The following LRFN5 variants were observed in gnomAD, a reference collection of about 807,000 sequenced individuals.
LRFN5 encodes leucine-rich repeat and fibronectin type-III domain-containing protein 5.
Under a neutral mutation model 45.6 loss-of-function variants are expected in LRFN5, and 24 were observed. That is an observed-to-expected ratio of 0.53 (90% CI 0.38 to 0.74). LRFN5 has a LOEUF of 0.74. Among genes scored for constraint, LRFN5 ranks in the 30% least tolerant of loss-of-function variants. The pLI, the probability that LRFN5 is intolerant of heterozygous loss-of-function variation, is 0.00. For synonymous variants in LRFN5, 340 were observed against 313.8 expected (o/e 1.08, Z -0.88); for missense variants, 776 against 861.5 (o/e 0.90, Z 1.24).
intron 2 of LRFN5, among the ~76,000 whole-genome samples, chr14:41,822,083 C>A (rs1888134640): frequency 1.3e-5 from 2 of 151,914 alleles, no homozygotes; most frequent in Admixed American, 1.3e-4. Context: ...AGCATCCTAG[C>A]AAATTTGTTT....
chr14:41,787,501 C>A (rs547862618), intron 2 of LRFN5, among the ~76,000 whole-genome samples: 9 of 112,428 alleles, frequency 8.0e-5, no homozygotes, highest in Non-Finnish European at 1.1e-4. Context: ...ATATATAGCA[C>A]TTTTTTTGTC....
intron 1 of LRFN5, among the ~76,000 whole-genome samples, chr14:41,676,997 CAT>C (rs1189938464): frequency 1.3e-5 from 2 of 152,192 alleles, no homozygotes; most frequent in African/African-American, 2.4e-5. Flanking sequence ...GCACAACACA[CAT>C]GCATCCAGAG....
intron 2 of LRFN5, among the ~76,000 whole-genome samples, chr14:41,791,975 A>G (rs1030305408): frequency 2.6e-5 from 4 of 152,110 alleles, no homozygotes; most frequent in Non-Finnish European, 5.9e-5. Flanking sequence ...TTTTGCAGCA[A>G]ACATGATTAT....
At chr14:41,680,787 A>G (rs769447317) in intron 1 of LRFN5, among the ~76,000 whole-genome samples, 1 of 152,148 alleles carries the variant, frequency 6.6e-6, no homozygotes, top group African/African-American at 2.4e-5. Flanking sequence ...CCAGGGACCA[A>G]TCCTGAAGAG....
chr14:41,865,380 T>C (rs1019924531), intron 2 of LRFN5, among the ~76,000 whole-genome samples: 4 of 152,214 alleles, frequency 2.6e-5, no homozygotes, highest in African/African-American at 9.6e-5. Flanking sequence ...GGTTCATTTA[T>C]GGTATTGCGT....
At chr14:41,665,195 T>A (rs1880840731) in intron 1 of LRFN5, among the ~76,000 whole-genome samples, 1 of 152,016 alleles carries the variant, frequency 6.6e-6, no homozygotes, top group South Asian at 2.1e-4. Context: ...CCAAAATTGT[T>A]TTATGCAAGA....
chr14:41,815,526 TAAG>T (rs1887887654), intron 2 of LRFN5, among the ~76,000 whole-genome samples: 1 of 152,024 alleles, frequency 6.6e-6, no homozygotes, highest in Non-Finnish European at 1.5e-5. Context: ...TCACTTGAAA[TAAG>T]GAGTTTGAGA....
chr14:41,612,949 CA>C (rs1447759434), intron 1 of LRFN5, among the ~76,000 whole-genome samples: 1 of 151,710 alleles, frequency 6.6e-6, no homozygotes, highest in Non-Finnish European at 1.5e-5. Flanking sequence ...ACTGTGTTGA[CA>C]AAATGATTTT....
At chr14:41,869,804 A>G (rs1402029785) in intron 2 of LRFN5, among the ~76,000 whole-genome samples, 1 of 151,888 alleles carries the variant, frequency 6.6e-6, no homozygotes, top group African/African-American at 2.4e-5. Flanking sequence ...CAAGAGAAAG[A>G]CCCATCCCCA....
chr14:41,621,899 G>A (rs1422124276), intron 1 of LRFN5, among the ~76,000 whole-genome samples: 1 of 152,062 alleles, frequency 6.6e-6, no homozygotes, highest in East Asian at 1.9e-4. Flanking sequence ...ATGTCCAAAG[G>A]CTGACAGAGA....
At chr14:41,673,418 G>T (rs10134330) in intron 1 of LRFN5, among the ~76,000 whole-genome samples, 3 of 141,006 alleles carry the variant, frequency 2.1e-5, no homozygotes, top group African/African-American at 5.7e-5. Context: ...CCTCACTGCC[G>T]GACCGGGCGG....
At chr14:41,819,837 A>G (rs73319455) in intron 2 of LRFN5, among the ~76,000 whole-genome samples, 6,252 of 152,184 alleles carry the variant, frequency 0.041, 434 homozygotes, top group African/African-American at 0.14. Flanking sequence ...ACAATTCTAC[A>G]TGAGGTTTGG....
rs577516578 is a variant in LRFN5 at position 41,616,700 on chromosome 14, A to G, written c.-197+8138A>G. Among the ~76,000 whole-genome samples, 56 of 152,262 alleles carry G rather than the reference A, an allele frequency of 3.7e-4. No homozygotes were observed. The South Asian group carries it at 0.011, about 31-fold the overall frequency. On this transcript the variant is annotated intron_variant, in intron 1 of 5. Transcript: ENST00000298119. The stretch of plus-strand genomic sequence containing the variant: ...AGTCTTTTGGTTATCAGCATTATCC[A>G]TAGTCTTGAATGTTGTCTTTAGGCA...
At chr14:41,771,658 T>C (rs1168700191) in intron 2 of LRFN5, among the ~76,000 whole-genome samples, 1 of 152,142 alleles carries the variant, frequency 6.6e-6, no homozygotes, top group East Asian at 1.9e-4. Context: ...GGACCTTTAC[T>C]CCATTTCCCA....
chr14:41,833,398 A>C (rs907987271), intron 2 of LRFN5, among the ~76,000 whole-genome samples: 9 of 152,134 alleles, frequency 5.9e-5, no homozygotes, highest in Middle Eastern at 6.3e-3. Context: ...CTTCTATAGA[A>C]TCTCTTGATA....
At chr14:41,871,799 T>G (rs748180607) in intron 2 of LRFN5, among the ~76,000 whole-genome samples, 1 of 152,132 alleles carries the variant, frequency 6.6e-6, no homozygotes, top group Non-Finnish European at 1.5e-5. Context: ...ATTTATTATC[T>G]CTTATCACAG....
At chr14:41,612,249 C>G (rs2138539536) in intron 1 of LRFN5, among the ~76,000 whole-genome samples, 1 of 151,998 alleles carries the variant, frequency 6.6e-6, no homozygotes, top group East Asian at 1.9e-4. Context: ...TGCATAATAT[C>G]TACTAAATTA....
chr14:41,822,021 T>G (rs1347259287), intron 2 of LRFN5, among the ~76,000 whole-genome samples: 1 of 152,036 alleles, frequency 6.6e-6, no homozygotes, highest in East Asian at 1.9e-4. Context: ...GTTTTTCAAC[T>G]TTGATTGTGC....
rs760809512 is a variant in LRFN5 at position 41,891,400 on chromosome 14, G to A, written c.1536G>A (p.Gln512=). ...VVGCIQFTTE[Q]DYVRCHFMQS... ...GTTGCATCCAGTTTACTACGGAACAGGATTATGTGCGTTGCCATTTCATGC... is the reference window on the plus strand; with the variant it reads ...GTTGCATCCAGTTTACTACGGAACAAGATTATGTGCGTTGCCATTTCATGC... The change falls in exon 4 of 6, where the codon CAG becomes CAA. Residue 512 remains glutamine, a synonymous_variant. Transcript: ENST00000298119. 9 of 1,614,038 alleles carry A rather than the reference G, an allele frequency of 5.6e-6. No individual in the cohort carries two copies. Among genetic ancestry groups the A allele is most frequent in the Non-Finnish European group, 7.6e-6 (9 of 1,180,050 alleles).
Sources: gnomAD v4.1 joint callset for allele counts (sites outside exome capture counted in the v4.1 genomes callset) on GRCh38, gnomAD v4.1.1 for gene constraint, MANE v1.5 for transcripts, NCBI Gene and HGNC (gene_info 2026-07-23, HGNC 2026-07-21) for gene names.